The following USO1 variants were observed in gnomAD, a reference collection of about 807,000 sequenced individuals.
The protein encoded by USO1 is general vesicular transport factor p115.
Under a neutral mutation model 124.5 loss-of-function variants are expected in USO1, and 57 were observed. The observed-to-expected ratio is 0.46, with a 90% CI of 0.37 to 0.57. USO1 has a LOEUF of 0.57. Among genes scored for constraint, USO1 ranks in the 20% least tolerant of loss-of-function variants. The probability of loss-of-function intolerance (pLI) is 0.00; values close to 1 mark genes in which losing one functional copy is unlikely to be tolerated. For missense variants in USO1, 900 were observed against 1,040.6 expected (o/e 0.86, Z 1.86); for synonymous variants, 369 against 362.8 (o/e 1.02, Z -0.19).
At chr4:75,760,009 C>T (rs1721558912) in intron 4 of USO1, among the ~76,000 whole-genome samples, 1 of 151,798 alleles carries the variant, frequency 6.6e-6, no homozygotes, top group South Asian at 2.1e-4. Context: ...GTCAGGAGTT[C>T]GAGACCAGTC....
rs764905193 is a variant in USO1, at chr4:75,812,216, A to G, written c.2640A>G (p.Ser880=). The change falls in exon 23 of 24, where the codon TCA becomes TCG. Residue 880 remains serine (S), a synonymous_variant. Transcript: ENST00000514213. ...ERTAIKEQLD[S]SNSTIAILQT... ...CTGCCATTAAAGAGCAGCTGGATTC[A>G]TCTAATAGTACCATTGCCATTTTAC... is the stretch of plus-strand genomic sequence containing the variant. 2.5e-6 allele frequency: 4 copies of G among 1,610,136 alleles called. No homozygotes were observed. Among genetic ancestry groups the G allele is most frequent in the South Asian group, 1.1e-5 (1 of 89,972 alleles).
At chr4:75,781,904 T>G (rs540067436) in intron 8 of USO1, among the ~76,000 whole-genome samples, 29 of 152,322 alleles carry the variant, frequency 1.9e-4, no homozygotes, top group African/African-American at 5.8e-4. Context: ...AGGCTATTGG[T>G]TAATCTATTA....
chr4:75,760,721 T>C (rs1208904993), intron 4 of USO1: 9 of 392,262 alleles, frequency 2.3e-5, no homozygotes, highest in Non-Finnish European at 4.1e-5. Flanking sequence ...TGAAATTTGT[T>C]TTACTATATA....
At chr4:75,754,008 C>T (rs1254375249) in intron 3 of USO1, among the ~76,000 whole-genome samples, 4 of 151,278 alleles carry the variant, frequency 2.6e-5, no homozygotes, top group South Asian at 2.1e-4. Flanking sequence ...AGGATGGTCT[C>T]GATCTCCTGA....
Position 75,724,590 on chromosome 4 carries a change from A to G in USO1, c.-230A>G, listed in dbSNP as rs534027024. The G allele has an allele frequency of 1.2e-4, 69 of 554,410 alleles. No individual in the cohort carries two copies. The highest frequency in any genetic ancestry group is 2.0e-4 in the Non-Finnish European group (61 of 311,046). 34.3% of individuals were successfully genotyped at this position (554,410 alleles called of 1,614,324 possible). On this transcript the variant is annotated 5_prime_UTR_variant, in exon 1 of 24. Transcript: ENST00000514213. ...TCGCCTCCGCTCCCCTTTTGCCTTC[A>G]ACCTTCGAGCCGCCACGTAATGCCA...
chr4:75,799,755 G>T (rs745373760), intron 14 of USO1, 23 bp downstream of exon 14: 3 of 1,609,558 alleles, frequency 1.9e-6, no homozygotes, highest in Admixed American at 1.7e-5. Context: ...TTTTAGTAAC[G>T]TACATGTAAG....
intron 7 of USO1, among the ~76,000 whole-genome samples, chr4:75,773,450 G>GATATT (rs1721989439): frequency 6.6e-6 from 1 of 152,070 alleles, no homozygotes; most frequent in Non-Finnish European, 1.5e-5. Context: ...CTGTGACAAA[G>GATATT]ATATTACATG....
chr4:75,800,676 C>T lies in USO1; in HGVS notation c.1741C>T (p.Leu581=). The change falls in exon 16 of 24, where the codon CTA becomes TTA. Residue 581 remains leucine (L), a synonymous_variant. Coordinates refer to ENST00000514213, the MANE Select transcript of USO1 (RefSeq NM_003715.4). Reference sequence around the variant, plus strand: ...TGGCAAAGAGAATTTCATAGAGAAACTAGGATTTATTAGCAAACATGAGTT... The same window carrying T: ...TGGCAAAGAGAATTTCATAGAGAAATTAGGATTTATTAGCAAACATGAGTT... The part of the protein sequence containing the change: ...RIGKENFIEK[L]GFISKHELYS... 3 of 1,598,368 alleles carry T rather than the reference C, an allele frequency of 1.9e-6. No homozygotes were observed. The highest frequency in any genetic ancestry group is 2.6e-6 in the Non-Finnish European group (3 of 1,175,500).
rs1463569464 is a variant in USO1, at chr4:75,800,467, GAAGT to G, written c.1682+6_1682+9del. ...ATGATAACTCACTTGAGAGCTACAT[GAAGT>G]AAGTAAGGGGAAGATGGTTTTCTAA... On this transcript the variant is annotated splice_donor_variant and coding_sequence_variant, in exon 15 of 24. Coordinates refer to ENST00000514213, the MANE Select transcript of USO1 (RefSeq NM_003715.4). LOFTEE classifies it high-confidence loss of function. The G allele has an allele frequency of 6.3e-6, 10 of 1,583,154 alleles. No individual in the cohort carries two copies. Among genetic ancestry groups the G allele is most frequent in the Admixed American group, 1.8e-5 (1 of 54,738 alleles).
At chr4:75,742,108 C>G (rs1720980042) in intron 1 of USO1, among the ~76,000 whole-genome samples, 1 of 152,128 alleles carries the variant, frequency 6.6e-6, no homozygotes, top group South Asian at 2.1e-4. Flanking sequence ...TTACAGTTAA[C>G]TTTTATTTTT....
chr4:75,748,207 A>ATTTC (rs2149150597), intron 1 of USO1, among the ~76,000 whole-genome samples: 1 of 87,892 alleles, frequency 1.1e-5, no homozygotes, highest in East Asian at 5.2e-4. Flanking sequence ...CCCAGCTGGT[A>ATTTC]TTTCTTTTTT....
intron 21 of USO1, among the ~76,000 whole-genome samples, 188 bp downstream of exon 21, chr4:75,809,239 ATTAGT>A (rs1316676135): frequency 6.6e-6 from 1 of 152,154 alleles, no homozygotes; most frequent in Non-Finnish European, 1.5e-5. Flanking sequence ...GTCTCACCAG[ATTAGT>A]TTATTCAGTT....
At chr4:75,759,246 CTTTT>C (rs71208100) in intron 4 of USO1, among the ~76,000 whole-genome samples, 3 of 69,126 alleles carry the variant, frequency 4.3e-5, no homozygotes, top group Admixed American at 2.2e-4. Flanking sequence ...TATTAAGGAC[CTTTT>C]TTTTTTTTTT....
intron 3 of USO1, among the ~76,000 whole-genome samples, chr4:75,755,903 G>T (rs1007675198): frequency 1.3e-5 from 2 of 152,154 alleles, no homozygotes; most frequent in African/African-American, 4.8e-5. Flanking sequence ...GGGCACGGTG[G>T]CTCATGCCTG....
chr4:75,805,063 A>G (rs1034697450), intron 18 of USO1, 77 bp from the exon 19 acceptor site: 2 of 1,465,604 alleles, frequency 1.4e-6, no homozygotes, highest in Middle Eastern at 1.9e-4. Flanking sequence ...AGAAAATTAC[A>G]TATTTGAATC....
At chr4:75,773,537 A>G (rs1242856896) in intron 7 of USO1, among the ~76,000 whole-genome samples, 1 of 151,938 alleles carries the variant, frequency 6.6e-6, no homozygotes, top group East Asian at 1.9e-4. Context: ...TTATTTTTTT[A>G]TTTCATTAGT....
chr4:75,775,717 A>G (rs181605781), intron 8 of USO1, among the ~76,000 whole-genome samples: 41 of 152,316 alleles, frequency 2.7e-4, no homozygotes, highest in African/African-American at 9.1e-4. Context: ...GGAAGGTGCT[A>G]TGAAAAGACA....
chr4:75,732,907 TGGG>T (rs368136513), intron 1 of USO1, among the ~76,000 whole-genome samples: 3 of 118,148 alleles, frequency 2.5e-5, no homozygotes, highest in Admixed American at 9.0e-5. Flanking sequence ...AAGTCATAGT[TGGG>T]GGAGTTCTGT....
intron 4 of USO1, among the ~76,000 whole-genome samples, chr4:75,767,214 G>A (rs534356655): frequency 2.0e-5 from 3 of 152,044 alleles, no homozygotes; most frequent in Non-Finnish European, 4.4e-5. Flanking sequence ...ATCTAGGCTT[G>A]TAACTTCAAA....
Sources: gnomAD v4.1 joint callset for allele counts (sites outside exome capture counted in the v4.1 genomes callset) on GRCh38, gnomAD v4.1.1 for gene constraint, MANE v1.5 for transcripts, NCBI Gene and HGNC (gene_info 2026-07-23, HGNC 2026-07-21) for gene names.